Variants in PARD3 observed in about 807,000 individuals in gnomAD.
PARD3 encodes par-3 family cell polarity regulator.
Under a neutral mutation model 155.4 loss-of-function variants are expected in PARD3, and 75 were observed. That is an observed-to-expected ratio of 0.48 (90% CI 0.40 to 0.58). PARD3 has a LOEUF of 0.58. PARD3 is among the 20% of genes least tolerant of loss of function. PARD3 has a pLI of 0.00. For missense variants in PARD3, 1,642 were observed against 1,721.7 expected, an observed-to-expected ratio of 0.95 and a Z score of 0.82; for synonymous variants, 576 against 610.5, an observed-to-expected ratio of 0.94 and a Z score of 0.83.
chr10:34,379,897 G>C (rs1841649852), intron 9 of PARD3, among the ~76,000 whole-genome samples: 1 of 152,080 alleles, frequency 6.6e-6, no homozygotes. Flanking sequence ...ATATAACATA[G>C]CTCCAAAATT....
chr10:34,565,323 G>A (rs1489626926), intron 2 of PARD3, among the ~76,000 whole-genome samples: 2 of 137,622 alleles, frequency 1.5e-5, no homozygotes, highest in African/African-American at 2.7e-5. Context: ...GCTGGAGTGC[G>A]GTGGCGCAAT....
chr10:34,759,131 A>C (rs1489237464), intron 1 of PARD3, among the ~76,000 whole-genome samples: 1 of 152,236 alleles, frequency 6.6e-6, no homozygotes, highest in Non-Finnish European at 1.5e-5. Flanking sequence ...AAAAAGAAAA[A>C]AAAACTCAAT....
intron 22 of PARD3, among the ~76,000 whole-genome samples, chr10:34,253,558 A>G (rs915464998): frequency 1.3e-5 from 2 of 152,156 alleles, no homozygotes; most frequent in African/African-American, 4.8e-5. Context: ...GCATCTCTTC[A>G]TGGCCTGGCT....
intron 2 of PARD3, among the ~76,000 whole-genome samples, chr10:34,680,863 T>C (rs900480495): frequency 2.1e-5 from 3 of 145,662 alleles, no homozygotes; most frequent in Non-Finnish European, 4.5e-5. Flanking sequence ...AGGGATAGCA[T>C]TGGGAGATAT....
chr10:34,485,005 G>C (rs1458386468), intron 3 of PARD3, among the ~76,000 whole-genome samples: 1 of 152,050 alleles, frequency 6.6e-6, no homozygotes, highest in Non-Finnish European at 1.5e-5. Flanking sequence ...ATCCACAGAG[G>C]CCAGGCCCTT....
intron 1 of PARD3, among the ~76,000 whole-genome samples, chr10:34,731,906 A>G (rs1255738827): frequency 6.6e-6 from 1 of 152,230 alleles, no homozygotes; most frequent in Non-Finnish European, 1.5e-5. Context: ...AATAATCCCA[A>G]GGCTCATTTT....
chr10:34,412,842 A>C (rs1418444665), intron 5 of PARD3, among the ~76,000 whole-genome samples: 1 of 152,194 alleles, frequency 6.6e-6, no homozygotes, highest in Non-Finnish European at 1.5e-5. Flanking sequence ...CTTCAGAGAA[A>C]GAGACATTAC....
At position 34,463,024 on chromosome 10, in the gene PARD3, G is replaced by A. The variant is rs907225093; in HGVS notation, c.582+7061C>T. 5.8e-5 allele frequency among the ~76,000 whole-genome samples: 5 copies of A among 85,692 alleles called. 1 individual carries two copies. Among genetic ancestry groups the A allele is most frequent in the Admixed American group, 1.2e-4 (1 of 8,454 alleles). The allele number at this position is 85,692 out of a possible 152,430, so 56.2% of individuals were successfully genotyped here. ...AATGGGGAGGGGAAGGGTAGGAAAG[G>A]GAACGAGGAGGGGAAGGGGAGGAAA... On this transcript the variant is annotated intron_variant, in intron 4 of 24. Coordinates refer to ENST00000374788, the MANE Select transcript of PARD3 (RefSeq NM_001184785.2).
intron 2 of PARD3, among the ~76,000 whole-genome samples, chr10:34,548,928 T>C (rs2084322578): frequency 6.6e-6 from 1 of 152,204 alleles, no homozygotes; most frequent in Admixed American, 6.5e-5. Flanking sequence ...GTATATCCAT[T>C]CTTAGACCTT....
At chr10:34,636,142 G>T (rs1036724563) in intron 2 of PARD3, among the ~76,000 whole-genome samples, 4 of 152,132 alleles carry the variant, frequency 2.6e-5, no homozygotes, top group Non-Finnish European at 4.4e-5. Flanking sequence ...ACTCTTCAAC[G>T]GTTTTTCATC....
At chr10:34,355,733 C>A (rs950945697) in intron 14 of PARD3, among the ~76,000 whole-genome samples, 1 of 151,872 alleles carries the variant, frequency 6.6e-6, no homozygotes, top group Non-Finnish European at 1.5e-5. Context: ...TTGAGACCAG[C>A]CTGACCAACA....
intron 3 of PARD3, among the ~76,000 whole-genome samples, chr10:34,487,654 T>A (rs538186436): frequency 1.3e-5 from 2 of 151,542 alleles, no homozygotes; most frequent in South Asian, 2.1e-4. Context: ...TTTTTTTTTT[T>A]AACTATTAAT....
intron 14 of PARD3, among the ~76,000 whole-genome samples, chr10:34,350,642 AG>A (rs1163770036): frequency 6.3e-4 from 30 of 47,692 alleles, no homozygotes; most frequent in Middle Eastern, 0.013. Context: ...GCGGGGGGGG[AG>A]GGGGGGTGGT....
chr10:34,143,914 C>A (rs967611564), intron 22 of PARD3, among the ~76,000 whole-genome samples: 1 of 152,014 alleles, frequency 6.6e-6, no homozygotes, highest in Non-Finnish European at 1.5e-5. Context: ...TCTATTTATG[C>A]TCTTGATGAA....
At chr10:34,676,481 C>T (rs2477002) in intron 2 of PARD3, among the ~76,000 whole-genome samples, 113,731 of 152,024 alleles carry the variant, frequency 0.75, 44,007 homozygotes, top group African/African-American at 0.94. Flanking sequence ...ACACACATCC[C>T]CCAAAAGGCC....
chr10:34,305,387 TG>T (rs926286724), intron 20 of PARD3, among the ~76,000 whole-genome samples: 1 of 152,242 alleles, frequency 6.6e-6, no homozygotes, highest in Admixed American at 6.5e-5. Flanking sequence ...GGCCCATGGC[TG>T]GGGCCTTCAG....
chr10:34,443,209 C>T (rs1042032034), intron 5 of PARD3, among the ~76,000 whole-genome samples: 1 of 152,172 alleles, frequency 6.6e-6, no homozygotes, highest in African/African-American at 2.4e-5. Flanking sequence ...TTTTAAAAAA[C>T]TGCCTCCATA....
rs1564406982 is a variant in PARD3 at position 34,605,933 on chromosome 10, A to ATATATATATCTCC, written c.223-88775_223-88774insGGAGATATATATA. ...TATATCTCCTATATATATATCTCCT[A>ATATATATATCTCC]TATATATATATCTCCTATATATATA... is the stretch of plus-strand genomic sequence containing the variant. On this transcript the variant is annotated intron_variant, in intron 2 of 24. Coordinates refer to ENST00000374788, the MANE Select transcript of PARD3 (RefSeq NM_001184785.2). Among the ~76,000 whole-genome samples the ATATATATATCTCC allele has an allele frequency of 6.0e-4, 37 of 61,252 alleles. 12 individuals are homozygous for ATATATATATCTCC. The highest frequency in any genetic ancestry group is 2.1e-3 in the African/African-American group (27 of 12,918). The allele number at this position is 61,252 out of a possible 152,430, so 40.2% of individuals were successfully genotyped here.
At chr10:34,390,316 T>G (rs1056900069) in intron 7 of PARD3, among the ~76,000 whole-genome samples, 26 of 152,132 alleles carry the variant, frequency 1.7e-4, no homozygotes, top group African/African-American at 6.0e-4. Flanking sequence ...AAATGATCAC[T>G]TTCTCTGATT....
Sources: gnomAD v4.1 joint callset for allele counts (sites outside exome capture counted in the v4.1 genomes callset) on GRCh38, gnomAD v4.1.1 for gene constraint, MANE v1.5 for transcripts, NCBI Gene and HGNC (gene_info 2026-07-23, HGNC 2026-07-21) for gene names.